Variants in PRKG1 observed in about 807,000 individuals in gnomAD.
PRKG1 encodes the protein protein kinase cGMP-dependent 1.
In PRKG1, 35 loss-of-function variants were observed where a neutral mutation model predicts 88.1. That is an observed-to-expected ratio of 0.40 (90% confidence interval 0.30 to 0.53). PRKG1 has a LOEUF of 0.53. PRKG1 is among the 20% of genes least tolerant of loss of function. PRKG1 has a pLI of 0.59. For missense variants in PRKG1, 540 were observed against 839.8 expected (o/e 0.64, Z 4.41); for synonymous variants, 303 against 292.5 (o/e 1.04, Z -0.37).
chr10:51,089,209 C>T (rs1314587712), intron 1 of PRKG1, among the ~76,000 whole-genome samples: 1 of 152,056 alleles, frequency 6.6e-6, no homozygotes, highest in Non-Finnish European at 1.5e-5. Flanking sequence ...AATGTGTAAT[C>T]CCAAACTCTG....
intron 1 of PRKG1, among the ~76,000 whole-genome samples, chr10:51,084,605 G>A (rs781003125): frequency 6.6e-6 from 1 of 152,104 alleles, no homozygotes; most frequent in Non-Finnish European, 1.5e-5. Flanking sequence ...ATTTACTTAT[G>A]CTTTGGCTGG....
intron 3 of PRKG1, among the ~76,000 whole-genome samples, chr10:51,706,672 G>A (rs890293344): frequency 2.6e-5 from 4 of 152,130 alleles, no homozygotes; most frequent in Non-Finnish European, 5.9e-5. Flanking sequence ...CTTAGAAAAG[G>A]CAGTAGAGTG....
chr10:51,462,584 A>C (rs1015395586), intron 2 of PRKG1, among the ~76,000 whole-genome samples: 1 of 152,166 alleles, frequency 6.6e-6, no homozygotes, highest in African/African-American at 2.4e-5. Context: ...TGCTTCTCAA[A>C]ATGACAAGGT....
chr10:51,808,739 C>G (rs1345813559), intron 4 of PRKG1, among the ~76,000 whole-genome samples: 1 of 152,142 alleles, frequency 6.6e-6, no homozygotes, highest in Admixed American at 6.5e-5. Context: ...ATAAAACTTG[C>G]ATCTACATTT....
chr10:51,462,758 G>C (rs293294), intron 2 of PRKG1, among the ~76,000 whole-genome samples: 85,071 of 151,998 alleles, frequency 0.56, 25,370 homozygotes, highest in African/African-American at 0.76. Context: ...CCCTTTAAAC[G>C]TCATTTTAGC....
chr10:51,698,754 C>G (rs768997942), intron 3 of PRKG1: 1 of 1,614,054 alleles, frequency 6.2e-7, no homozygotes. Context: ...GGTATTGGCC[C>G]TGGAGCTGGA....
chr10:51,582,417 C>T (rs568773276), intron 3 of PRKG1, among the ~76,000 whole-genome samples: 17 of 152,238 alleles, frequency 1.1e-4, no homozygotes, highest in Middle Eastern at 3.4e-3. Flanking sequence ...CACCTCTCAA[C>T]CCATCACCTA....
chr10:51,103,436 G>A (rs1450271081), intron 1 of PRKG1, among the ~76,000 whole-genome samples: 1 of 152,176 alleles, frequency 6.6e-6, no homozygotes, highest in East Asian at 1.9e-4. Context: ...AAAAAGCTGA[G>A]CAGTGTCCTC....
chr10:51,782,705 C>T (rs1440393112), intron 3 of PRKG1, among the ~76,000 whole-genome samples: 1 of 152,068 alleles, frequency 6.6e-6, no homozygotes, highest in African/African-American at 2.4e-5. Context: ...CTCACAGGAT[C>T]TTATGGTTTT....
At chr10:51,575,127 A>G (rs573834580) in intron 3 of PRKG1, among the ~76,000 whole-genome samples, 1 of 152,018 alleles carries the variant, frequency 6.6e-6, no homozygotes, top group African/African-American at 2.4e-5. Flanking sequence ...CCCTATATAC[A>G]GTGATGCCTG....
intron 5 of PRKG1, among the ~76,000 whole-genome samples, chr10:52,038,531 A>T: frequency 6.6e-6 from 1 of 152,070 alleles, no homozygotes; most frequent in Non-Finnish European, 1.5e-5. Flanking sequence ...TCCTCTAGAA[A>T]AGCGGGACTT....
At chr10:51,658,932 A>G (rs927632070) in intron 3 of PRKG1, among the ~76,000 whole-genome samples, 2 of 152,058 alleles carry the variant, frequency 1.3e-5, no homozygotes, top group Non-Finnish European at 2.9e-5. Context: ...TGTATTTTCC[A>G]TCTCTTCTAC....
At chr10:50,994,016 G>C (rs1275147364) in intron 1 of PRKG1, among the ~76,000 whole-genome samples, 1 of 152,166 alleles carries the variant, frequency 6.6e-6, no homozygotes, top group Non-Finnish European at 1.5e-5. Context: ...CAAATAGCTG[G>C]AGTACTTTTC....
chr10:51,989,730 G>A (rs1217636201), intron 5 of PRKG1, among the ~76,000 whole-genome samples: 1 of 152,094 alleles, frequency 6.6e-6, no homozygotes, highest in Non-Finnish European at 1.5e-5. Flanking sequence ...TATAAGGTCA[G>A]CAGAGAAGAA....
Position 52,087,115 on chromosome 10 carries a change from C to T in PRKG1, c.935+24484C>T, listed in dbSNP as rs147187987. Among the ~76,000 whole-genome samples the T allele has an allele frequency of 4.4e-3, 666 of 152,160 alleles. 3 individuals are homozygous for T. Among genetic ancestry groups the T allele is most frequent in the African/African-American group, 0.015 (643 of 41,528 alleles). ...GGGTGGGGACACAGCCAAACCATGC[C>T]AGATACTTTCCAATAATAAAAAACA... On this transcript the variant is annotated intron_variant, in intron 7 of 17. Coordinates refer to ENST00000373980, the MANE Select transcript of PRKG1 (RefSeq NM_006258.4).
chr10:51,068,331 C>T (rs1314150687), intron 1 of PRKG1, among the ~76,000 whole-genome samples: 4 of 151,862 alleles, frequency 2.6e-5, no homozygotes, highest in African/African-American at 9.7e-5. Context: ...CCTGCAAAGC[C>T]CCCTCTCCCT....
intron 3 of PRKG1, chr10:51,568,740 A>G (rs750913481): frequency 2.1e-5 from 3 of 141,992 alleles, no homozygotes; most frequent in East Asian, 1.9e-4. Flanking sequence ...GAATTCTAAA[A>G]GCATCATTAC....
intron 5 of PRKG1, among the ~76,000 whole-genome samples, chr10:51,957,961 T>C (rs1215917961): frequency 6.6e-6 from 1 of 152,170 alleles, no homozygotes; most frequent in Non-Finnish European, 1.5e-5. Flanking sequence ...ATGATGCTTT[T>C]TGAATGAATA....
At chr10:51,308,562 G>C (rs1022265209) in intron 2 of PRKG1, among the ~76,000 whole-genome samples, 3 of 151,974 alleles carry the variant, frequency 2.0e-5, no homozygotes, top group Non-Finnish European at 2.9e-5. Flanking sequence ...CCTGAGCAAG[G>C]TAATAGCAGG....
Sources: gnomAD v4.1 joint callset for allele counts (sites outside exome capture counted in the v4.1 genomes callset) on GRCh38, gnomAD v4.1.1 for gene constraint, MANE v1.5 for transcripts, NCBI Gene and HGNC (gene_info 2026-07-23, HGNC 2026-07-21) for gene names.